PPP2R5C: variants seen among roughly 807,000 people sequenced by gnomAD.
PPP2R5C encodes the protein protein phosphatase 2 regulatory subunit B'gamma, also known as serine/threonine-protein phosphatase 2A 56 kDa regulatory subunit gamma isoform.
PPP2R5C carries 7 observed loss-of-function variants against 68.9 expected under a neutral mutation model. The observed-to-expected ratio is 0.10, with a 90% CI of 0.06 to 0.19. The LOEUF (loss-of-function observed/expected upper bound fraction) is 0.19. Among genes scored for constraint, PPP2R5C ranks in the 10% least tolerant of loss-of-function variants. PPP2R5C has a pLI of 1.00. For missense variants in PPP2R5C, 348 were observed against 641.3 expected, an observed-to-expected ratio of 0.54 and a Z score of 4.94; for synonymous variants, 210 against 222.2, an observed-to-expected ratio of 0.95 and a Z score of 0.49.
intron 2 of PPP2R5C, among the ~76,000 whole-genome samples, chr14:101,774,959 C>T (rs533965239): frequency 1.3e-5 from 2 of 152,184 alleles, no homozygotes; most frequent in African/African-American, 4.8e-5. Flanking sequence ...GATAAACAGA[C>T]GTGAGTGTAT....
At position 101,916,174 on chromosome 14, in the gene PPP2R5C, T is replaced by C. The variant is rs1287127452; in HGVS notation, c.1327-1657T>C. Among the ~76,000 whole-genome samples, 1 of 152,122 alleles carries C rather than the reference T, an allele frequency of 6.6e-6. No homozygotes were observed. The highest frequency in any genetic ancestry group is 2.4e-5 in the African/African-American group (1 of 41,432). On this transcript the variant is annotated intron_variant, in intron 12 of 13. Coordinates refer to ENST00000334743, the Ensembl canonical transcript of PPP2R5C. The surrounding 1 kb of genome is among the most constrained non-coding windows in gnomAD (Gnocchi z 5.5). ...TGCAAGCTCTTTGGCGCAGCATGGA[T>C]GGAGTGCTGGGGCTGTCGGGGTAGG...
intron 1 of PPP2R5C, 86 bp downstream of exon 1, chr14:101,762,006 GC>G: frequency 1.8e-6 from 2 of 1,135,114 alleles, no homozygotes; most frequent in Non-Finnish European, 2.2e-6. Context: ...CTGCGCCCGG[GC>G]CCCGGCTCAG....
At chr14:101,791,659 T>C (rs2038369747) in intron 3 of PPP2R5C, among the ~76,000 whole-genome samples, 1 of 152,082 alleles carries the variant, frequency 6.6e-6, no homozygotes, top group South Asian at 2.1e-4. Flanking sequence ...TCAGGGTTTT[T>C]TTTTTCATTT....
upstream of PPP2R5C, among the ~76,000 whole-genome samples, chr14:101,807,737 G>A (rs1208219656): frequency 6.6e-6 from 1 of 151,918 alleles, no homozygotes; most frequent in Non-Finnish European, 1.5e-5. Context: ...TACATGCATA[G>A]GGTTTCAAAA....
At position 101,917,961 on chromosome 14, in the gene PPP2R5C, G is replaced by A. The variant is rs769414919; in HGVS notation, c.1443+14G>A. The A allele has an allele frequency of 4.0e-5, 64 of 1,613,606 alleles. 1 individual carries two copies. The Admixed American group carries it at 9.2e-4, about 23-fold the overall frequency. ...GAGGCTCATCAGGTAAAAGTGCACC[G>A]AGCTCAGCTGGGCACCCATGACTGA... On this transcript the variant is annotated intron_variant, in intron 13 of 13. Coordinates refer to ENST00000334743, the Ensembl canonical transcript of PPP2R5C. The surrounding 1 kb of genome is among the most constrained non-coding windows in gnomAD (Gnocchi z 4.4).
At position 101,877,287 on chromosome 14, in the gene PPP2R5C, C is replaced by T. The variant is rs2043844303; in HGVS notation, c.295-4874C>T. On this transcript the variant is annotated intron_variant, in intron 2 of 13. Coordinates refer to ENST00000334743, the Ensembl canonical transcript of PPP2R5C. The surrounding 1 kb of genome is among the most constrained non-coding windows in gnomAD (Gnocchi z 4.2). ...ATGGAGGAGAAAATTGAGGCTCAGG[C>T]AGGCTGTTTGGTCTGAGGTCCTTCT... Among the ~76,000 whole-genome samples, 1 of 152,058 alleles carries T rather than the reference C, an allele frequency of 6.6e-6. No individual in the cohort carries two copies. Among genetic ancestry groups the T allele is most frequent in the Non-Finnish European group, 1.5e-5 (1 of 67,998 alleles).
At chr14:101,776,704 C>G (rs1400171632) in intron 2 of PPP2R5C, among the ~76,000 whole-genome samples, 1 of 152,098 alleles carries the variant, frequency 6.6e-6, no homozygotes, top group Non-Finnish European at 1.5e-5. Context: ...AGTCACTCCT[C>G]ACTCCCCTTC....
At chr14:101,778,120 T>C (rs1265311255) in intron 2 of PPP2R5C, among the ~76,000 whole-genome samples, 1 of 152,214 alleles carries the variant, frequency 6.6e-6, no homozygotes, top group Non-Finnish European at 1.5e-5. Flanking sequence ...TCCCAGCAGG[T>C]GTGAAGTAGT....
intron 3 of PPP2R5C, among the ~76,000 whole-genome samples, chr14:101,804,458 T>C (rs1281291695): frequency 6.6e-6 from 1 of 152,174 alleles, no homozygotes; most frequent in African/African-American, 2.4e-5. Context: ...AGCTAAGGTT[T>C]GGAAGCAACC....
At chr14:101,761,908 CAAG>C (rs2036562464) in exon 1 of PPP2R5C, 2 of 1,183,096 alleles carry the variant, frequency 1.7e-6, no homozygotes, top group African/African-American at 1.6e-5. Context: ...CGAATAAAAA[CAAG>C]AAGGAGAAAG....
Position 101,906,959 on chromosome 14 carries a change from C to T in PPP2R5C, c.1151+430C>T, listed in dbSNP as rs2046063835. Reference sequence around the variant, plus strand: ...CCCAAGAACCACCCCACAGTGGTCACTACCTGGAGAAGAAGAGGGAAGCCA... The same window carrying T: ...CCCAAGAACCACCCCACAGTGGTCATTACCTGGAGAAGAAGAGGGAAGCCA... On this transcript the variant is annotated intron_variant, in intron 10 of 13. Transcript: ENST00000334743. This position sits in a 1 kb window ranked among gnomAD's most constrained non-coding sequence, Gnocchi z 4.0. 6.6e-6 allele frequency among the ~76,000 whole-genome samples: 1 copy of T among 152,170 alleles called. No individual in the cohort carries two copies. The highest frequency in any genetic ancestry group is 1.5e-5 in the Non-Finnish European group (1 of 68,040).
At chr14:101,776,874 T>C (rs2037447160) in intron 2 of PPP2R5C, among the ~76,000 whole-genome samples, 1 of 151,030 alleles carries the variant, frequency 6.6e-6, no homozygotes, top group African/African-American at 2.4e-5. Flanking sequence ...GCGTCATACC[T>C]CATTCCCTTT....
intron 2 of PPP2R5C, among the ~76,000 whole-genome samples, chr14:101,865,208 A>G (rs1194610523): frequency 1.3e-5 from 2 of 152,212 alleles, no homozygotes; most frequent in Non-Finnish European, 2.9e-5. Flanking sequence ...GCAGGCACCC[A>G]ATTCACTGTT....
At chr14:101,771,179 G>C (rs908672257) in intron 2 of PPP2R5C, among the ~76,000 whole-genome samples, 3 of 150,424 alleles carry the variant, frequency 2.0e-5, no homozygotes, top group African/African-American at 7.4e-5. Context: ...TCCAGAAGGG[G>C]AAAAAAATGC....
At chr14:101,831,716 G>A in intron 1 of PPP2R5C, 1 of 696,834 alleles carries the variant, frequency 1.4e-6, no homozygotes. Context: ...AAATGCACAA[G>A]ATTCGAGACC....
chr14:101,764,975 G>C (rs1223826485), intron 2 of PPP2R5C, among the ~76,000 whole-genome samples: 1 of 152,062 alleles, frequency 6.6e-6, no homozygotes, highest in Non-Finnish European at 1.5e-5. Context: ...GAAGATCCTG[G>C]CTGTAAGGAT....
At chr14:101,845,153 A>AT (rs2041747289) in intron 1 of PPP2R5C, among the ~76,000 whole-genome samples, 1 of 151,392 alleles carries the variant, frequency 6.6e-6, no homozygotes, top group African/African-American at 2.4e-5. Context: ...AAAAAAAAAA[A>AT]TTGAATCTTC....
At chr14:101,903,166 C>T (rs559407094) in intron 9 of PPP2R5C, among the ~76,000 whole-genome samples, 2 of 152,066 alleles carry the variant, frequency 1.3e-5, no homozygotes, top group African/African-American at 2.4e-5. Context: ...ACAGGGCGTT[C>T]GTATGCCAAG....
chr14:101,809,521 A>G (rs965607663), upstream of PPP2R5C, among the ~76,000 whole-genome samples: 8 of 150,964 alleles, frequency 5.3e-5, no homozygotes, highest in South Asian at 2.1e-4. Flanking sequence ...TCACTGGGAA[A>G]TGCTAAAGTT....
Sources: gnomAD v4.1 joint callset for allele counts (sites outside exome capture counted in the v4.1 genomes callset) on GRCh38, gnomAD v4.1.1 for gene constraint, Gnocchi (gnomAD v3.1) non-coding constraint, MANE v1.5 for transcripts, NCBI Gene and HGNC (gene_info 2026-07-23, HGNC 2026-07-21) for gene names.